IKZF3: variants seen among roughly 807,000 people sequenced by gnomAD.
The protein encoded by IKZF3 is zinc finger protein Aiolos.
Under a neutral mutation model 49.0 loss-of-function variants are expected in IKZF3, and 10 were observed. The ratio of observed to expected loss-of-function variants is 0.20; its 90% CI spans 0.13 to 0.35. The LOEUF is 0.35. IKZF3 is among the 10% of genes least tolerant of loss of function. The pLI, the probability that IKZF3 is intolerant of heterozygous loss-of-function variation, is 1.00. For missense variants in IKZF3, 498 were observed against 664.8 expected, an observed-to-expected ratio of 0.75 and a Z score of 2.76; for synonymous variants, 209 against 228.2, an observed-to-expected ratio of 0.92 and a Z score of 0.76.
intron 1 of IKZF3, among the ~76,000 whole-genome samples, chr17:39,842,374 C>T (rs1042745386): frequency 3.3e-5 from 5 of 152,114 alleles, no homozygotes; most frequent in Admixed American, 3.3e-4. Flanking sequence ...ACCAGAAATA[C>T]AAAAATTAGC....
chr17:39,787,617 C>T (rs1197746511), intron 6 of IKZF3, among the ~76,000 whole-genome samples: 1 of 152,210 alleles, frequency 6.6e-6, no homozygotes, highest in Non-Finnish European at 1.5e-5. Context: ...GAATACTTCT[C>T]ACCACCTCTA....
At chr17:39,837,389 A>T (rs1456087986) in intron 1 of IKZF3, among the ~76,000 whole-genome samples, 1 of 151,578 alleles carries the variant, frequency 6.6e-6, no homozygotes, top group Admixed American at 6.6e-5. Flanking sequence ...CTTCAATCTT[A>T]TAGGATATTT....
intron 7 of IKZF3, among the ~76,000 whole-genome samples, chr17:39,771,439 C>T (rs547116887): frequency 1.2e-4 from 19 of 152,310 alleles, no homozygotes; most frequent in African/African-American, 1.4e-4. Flanking sequence ...GGAGATGCAG[C>T]ATGTACATCA....
intron 3 of IKZF3, 113 bp from the exon 4 acceptor site, chr17:39,793,046 ACAC>A: frequency 9.7e-7 from 1 of 1,031,620 alleles, no homozygotes; most frequent in South Asian, 1.6e-5. Flanking sequence ...AGCTAACAAA[ACAC>A]TGTACATCTA....
In IKZF3 at chr17:39,853,034, C is replaced by T. The variant is rs189013951; in HGVS notation, c.7+11086G>A. ...GCCAAAGCCACATTCCTATCACTAG[C>T]CAGACCTCTTCTTTAGAGGAGAGGT... On this transcript the variant is annotated intron_variant, in intron 1 of 7. Transcript: ENST00000346872. 4.6e-5 allele frequency among the ~76,000 whole-genome samples: 7 copies of T among 152,268 alleles called. No homozygotes were observed. In the East Asian group the frequency reaches 7.7e-4, roughly 17 times the overall value.
chr17:39,825,799 A>G (rs1200352262), intron 3 of IKZF3, among the ~76,000 whole-genome samples: 1 of 152,216 alleles, frequency 6.6e-6, no homozygotes, highest in Non-Finnish European at 1.5e-5. Context: ...GTCTTGGGTG[A>G]TGTCAGAGAA....
chr17:39,861,369 G>A (rs1447736660), intron 1 of IKZF3, among the ~76,000 whole-genome samples: 1 of 152,154 alleles, frequency 6.6e-6, no homozygotes, highest in Non-Finnish European at 1.5e-5. Context: ...GAGCCTTCAT[G>A]GCGATGATGC....
chr17:39,811,848 T>C (rs1476896595), intron 3 of IKZF3, among the ~76,000 whole-genome samples: 4 of 152,238 alleles, frequency 2.6e-5, no homozygotes, highest in Non-Finnish European at 4.4e-5. Context: ...AAAAGACTGT[T>C]CTTGCCATGT....
At chr17:39,821,174 G>T (rs1295944383) in intron 3 of IKZF3, among the ~76,000 whole-genome samples, 1 of 152,160 alleles carries the variant, frequency 6.6e-6, no homozygotes, top group Admixed American at 6.5e-5. Context: ...CTTGAGACTG[G>T]TGTCTGAAGT....
At chr17:39,802,357 A>G (rs2061341099) in intron 3 of IKZF3, among the ~76,000 whole-genome samples, 2 of 151,934 alleles carry the variant, frequency 1.3e-5, no homozygotes, top group Admixed American at 1.3e-4. Context: ...CTGTAACTCC[A>G]GCACTTCAGG....
intron 3 of IKZF3, among the ~76,000 whole-genome samples, chr17:39,800,756 A>G (rs2061297328): frequency 6.6e-6 from 1 of 152,172 alleles, no homozygotes; most frequent in African/African-American, 2.4e-5. Context: ...GATGGTTATC[A>G]CATGAAAGGC....
At chr17:39,833,211 A>G (rs1301036236) in intron 1 of IKZF3, among the ~76,000 whole-genome samples, 1 of 152,202 alleles carries the variant, frequency 6.6e-6, no homozygotes, top group Non-Finnish European at 1.5e-5. Flanking sequence ...CTAACATTTC[A>G]GCATGATTAT....
intron 7 of IKZF3, among the ~76,000 whole-genome samples, chr17:39,770,309 C>A (rs1404219044): frequency 6.6e-6 from 1 of 152,230 alleles, no homozygotes; most frequent in Non-Finnish European, 1.5e-5. Flanking sequence ...ATTCATGATA[C>A]CAGCTTCAGG....
intron 3 of IKZF3, 49 bp downstream of exon 3, chr17:39,829,338 T>G: frequency 7.6e-7 from 1 of 1,314,984 alleles, no homozygotes; most frequent in Non-Finnish European, 1.1e-6. Flanking sequence ...ACACTAAGCC[T>G]AAGCAATATC....
chr17:39,827,374 G>A (rs950222392), intron 3 of IKZF3, among the ~76,000 whole-genome samples: 2 of 151,742 alleles, frequency 1.3e-5, no homozygotes, highest in African/African-American at 4.8e-5. Context: ...GCTCACTGCA[G>A]CCTCAACCTC....
At chr17:39,767,240 C>T (rs1374822641) in intron 7 of IKZF3, among the ~76,000 whole-genome samples, 1 of 152,148 alleles carries the variant, frequency 6.6e-6, no homozygotes, top group Non-Finnish European at 1.5e-5. Context: ...TCATTAGGGC[C>T]TATCTCACAC....
At chr17:39,851,472 T>C (rs1300512931) in intron 1 of IKZF3, among the ~76,000 whole-genome samples, 1 of 152,138 alleles carries the variant, frequency 6.6e-6, no homozygotes, top group East Asian at 1.9e-4. Context: ...ATCCATACTA[T>C]TCGATCATAA....
In IKZF3 at chr17:39,758,768, C is replaced by T. The variant is rs1244560616; in HGVS notation, c.*7022G>A. ...TTCCAAGGGTCAGCAGATCCTCTGC[C>T]CTTGTGCATTAAAACAACATGAAGG... On this transcript the variant is annotated 3_prime_UTR_variant, in exon 8 of 8. Coordinates refer to ENST00000346872, the MANE Select transcript of IKZF3 (RefSeq NM_012481.5). 4.0e-5 allele frequency: 6 copies of T among 150,398 alleles called. No homozygotes were observed. The highest frequency in any genetic ancestry group is 6.7e-5 in the Admixed American group (1 of 15,008). 9.3% of individuals were successfully genotyped at this position (150,398 alleles called of 1,614,324 possible). A position where few individuals can be genotyped will look rare whatever the true frequency, so the allele number is the denominator to read the frequency against.
chr17:39,842,819 T>C (rs1356165660), intron 1 of IKZF3, among the ~76,000 whole-genome samples: 3 of 152,188 alleles, frequency 2.0e-5, no homozygotes, highest in African/African-American at 7.2e-5. Flanking sequence ...AAAGAGCACC[T>C]ATATAATGGA....
Sources: gnomAD v4.1 joint callset for allele counts (sites outside exome capture counted in the v4.1 genomes callset) on GRCh38, gnomAD v4.1.1 for gene constraint, MANE v1.5 for transcripts, NCBI Gene and HGNC (gene_info 2026-07-23, HGNC 2026-07-21) for gene names.